The following ROBO2 variants were observed in gnomAD, a reference collection of about 807,000 sequenced individuals.
The protein encoded by ROBO2 is roundabout homolog 2.
In ROBO2, 53 loss-of-function variants were observed where a neutral mutation model predicts 160.8. That is an observed-to-expected ratio of 0.33 (90% confidence interval 0.26 to 0.41). The LOEUF is 0.41. ROBO2 is among the 10% of genes least tolerant of loss of function. The pLI, the probability that ROBO2 is intolerant of heterozygous loss-of-function variation, is 1.00. For synonymous variants in ROBO2, 664 were observed against 611.7 expected, an observed-to-expected ratio of 1.09 and a Z score of -1.26; for missense variants, 1,577 against 1,722.4, an observed-to-expected ratio of 0.92 and a Z score of 1.49.
At chr3:76,212,951 C>T (rs1003205105) in intron 2 of ROBO2, among the ~76,000 whole-genome samples, 1 of 151,006 alleles carries the variant, frequency 6.6e-6, no homozygotes, top group African/African-American at 2.4e-5. Context: ...GGGAATTTCT[C>T]AAGGGTAAAG....
intron 2 of ROBO2, among the ~76,000 whole-genome samples, chr3:76,028,562 G>A (rs1351473784): frequency 2.0e-5 from 3 of 151,810 alleles, no homozygotes; most frequent in Non-Finnish European, 2.9e-5. Flanking sequence ...AACAGACATT[G>A]AAAATCTCCA....
chr3:77,624,474 T>G (rs2153707575), intron 23 of ROBO2, among the ~76,000 whole-genome samples: 1 of 152,146 alleles, frequency 6.6e-6, no homozygotes, highest in African/African-American at 2.4e-5. Flanking sequence ...CATGCAGACA[T>G]GTATGAGAAT....
At chr3:76,069,981 ACCCT>A (rs2068392517) in intron 2 of ROBO2, among the ~76,000 whole-genome samples, 1 of 152,244 alleles carries the variant, frequency 6.6e-6, no homozygotes, top group Admixed American at 6.5e-5. Context: ...CCCAATCAAT[ACCCT>A]TGTGATTTCC....
chr3:75,997,676 G>T (rs2065770033), intron 2 of ROBO2, among the ~76,000 whole-genome samples: 2 of 151,940 alleles, frequency 1.3e-5, no homozygotes, highest in Admixed American at 1.3e-4. Context: ...TGTGTTTTTA[G>T]TAGAGACGGG....
chr3:76,402,173 A>G (rs1035662915), intron 2 of ROBO2, among the ~76,000 whole-genome samples: 3 of 151,482 alleles, frequency 2.0e-5, no homozygotes, highest in African/African-American at 7.3e-5. Flanking sequence ...TTTGCCTAAA[A>G]TTTTCAAGTG....
At chr3:76,418,817 T>A (rs189337552) in intron 2 of ROBO2, among the ~76,000 whole-genome samples, 1 of 152,152 alleles carries the variant, frequency 6.6e-6, no homozygotes, top group Non-Finnish European at 1.5e-5. Context: ...ATCAGTTCTG[T>A]CAATTGTTAA....
chr3:77,094,449 G>A (rs1482951904), intron 1 of ROBO2, among the ~76,000 whole-genome samples: 1 of 152,066 alleles, frequency 6.6e-6, no homozygotes, highest in Admixed American at 6.5e-5. Flanking sequence ...AGACATTTGG[G>A]TTGTTTCTAC....
intron 2 of ROBO2, among the ~76,000 whole-genome samples, chr3:76,594,017 G>A (rs1291127423): frequency 6.6e-6 from 1 of 151,910 alleles, no homozygotes; most frequent in African/African-American, 2.4e-5. Context: ...TATCATAAAA[G>A]AAAGTATGTT....
intron 21 of ROBO2, among the ~76,000 whole-genome samples, chr3:77,616,747 G>A (rs866418520): frequency 5.9e-5 from 9 of 152,190 alleles, no homozygotes; most frequent in Middle Eastern, 3.4e-3. Flanking sequence ...TTTGTCTCAT[G>A]GTTAAAACTT....
intron 2 of ROBO2, among the ~76,000 whole-genome samples, chr3:77,168,438 G>A (rs2079305808): frequency 6.6e-6 from 1 of 152,138 alleles, no homozygotes; most frequent in Non-Finnish European, 1.5e-5. Flanking sequence ...TTGAAAACTA[G>A]CAGGAAGAAT....
At chr3:76,427,191 T>C (rs1453326535) in intron 2 of ROBO2, among the ~76,000 whole-genome samples, 1 of 152,098 alleles carries the variant, frequency 6.6e-6, no homozygotes, top group Non-Finnish European at 1.5e-5. Flanking sequence ...ATCGGGGCTA[T>C]TTCCACTACT....
chr3:77,300,146 G>A (rs904280892), intron 2 of ROBO2, among the ~76,000 whole-genome samples: 2 of 150,678 alleles, frequency 1.3e-5, no homozygotes, highest in African/African-American at 4.9e-5. Flanking sequence ...AAGGGAAATT[G>A]ACATAGAATT....
chr3:76,304,886 C>A (rs1486393600), intron 2 of ROBO2, among the ~76,000 whole-genome samples: 2 of 150,812 alleles, frequency 1.3e-5, no homozygotes, highest in Non-Finnish European at 2.9e-5. Context: ...ATATATGCAC[C>A]ACTGGGCCCT....
At chr3:76,465,757 T>C (rs1378650379) in intron 2 of ROBO2, among the ~76,000 whole-genome samples, 1 of 152,044 alleles carries the variant, frequency 6.6e-6, no homozygotes, top group Non-Finnish European at 1.5e-5. Flanking sequence ...GTGTCCATTG[T>C]TCTAAAGATA....
In ROBO2 at chr3:77,184,779, G is replaced by A. The variant is rs1038529320; in HGVS notation, c.388+86439G>A. Among the ~76,000 whole-genome samples, 7 of 152,112 alleles carry A rather than the reference G, an allele frequency of 4.6e-5. No homozygotes were observed. The East Asian group carries it at 1.2e-3, about 25-fold the overall frequency. ...GTAAAAATACATCTACTGTTTCTGA[G>A]TATGGGTTTCACATGAAAATGTGCT... On this transcript the variant is annotated intron_variant, in intron 2 of 25. Transcript: ENST00000461745.
At chr3:76,209,051 G>A (rs941756814) in intron 2 of ROBO2, among the ~76,000 whole-genome samples, 3 of 152,080 alleles carry the variant, frequency 2.0e-5, no homozygotes, top group African/African-American at 2.4e-5. Flanking sequence ...CAAAAAAATT[G>A]TATATTACCA....
chr3:77,401,835 T>G (rs2075822816), intron 2 of ROBO2, among the ~76,000 whole-genome samples: 1 of 152,148 alleles, frequency 6.6e-6, no homozygotes, highest in Admixed American at 6.5e-5. Flanking sequence ...CCTTGAGGAA[T>G]CACCACACTG....
intron 2 of ROBO2, among the ~76,000 whole-genome samples, chr3:76,919,477 A>C (rs992387657): frequency 6.6e-6 from 1 of 152,152 alleles, no homozygotes; most frequent in Admixed American, 6.5e-5. Context: ...TGTTAGTCTA[A>C]ATTTAATTTT....
intron 2 of ROBO2, among the ~76,000 whole-genome samples, chr3:76,662,089 A>G (rs905608159): frequency 6.6e-6 from 1 of 152,242 alleles, no homozygotes; most frequent in South Asian, 2.1e-4. Context: ...GGAGGGTGTA[A>G]GGAGACATAT....
Sources: gnomAD v4.1 joint callset for allele counts (sites outside exome capture counted in the v4.1 genomes callset) on GRCh38, gnomAD v4.1.1 for gene constraint, MANE v1.5 for transcripts, NCBI Gene and HGNC (gene_info 2026-07-23, HGNC 2026-07-21) for gene names.